The following XPO7 variants were observed in gnomAD, a reference collection of about 807,000 sequenced individuals.
XPO7 encodes exportin 7, also known as exportin-7.
A neutral mutation model predicts 144.3 loss-of-function variants in XPO7; 21 were observed. That is an observed-to-expected ratio of 0.15 (90% CI 0.10 to 0.21). The LOEUF is 0.21. Among genes scored for constraint, XPO7 ranks in the 10% least tolerant of loss-of-function variants. The pLI is 1.00. For missense variants in XPO7, 808 were observed against 1,325.8 expected, an observed-to-expected ratio of 0.61 and a Z score of 6.06; for synonymous variants, 580 against 499.6, an observed-to-expected ratio of 1.16 and a Z score of -2.15.
chr8:21,986,926 T>C (rs1240756395), intron 13 of XPO7, among the ~76,000 whole-genome samples: 2 of 152,206 alleles, frequency 1.3e-5, no homozygotes, highest in Non-Finnish European at 2.9e-5. Flanking sequence ...TCCCTGGAAG[T>C]GTTACCTACC....
chr8:22,000,980 A>G (rs1365008254), intron 24 of XPO7, among the ~76,000 whole-genome samples: 1 of 152,116 alleles, frequency 6.6e-6, no homozygotes, highest in African/African-American at 2.4e-5. Context: ...GTACAGTCCA[A>G]TCAAGGTATC....
At position 22,005,623 on chromosome 8, in the gene XPO7, A is replaced by G. The variant is rs1813303744; in HGVS notation, c.*535A>G. 1 of 152,184 alleles carries G rather than the reference A, an allele frequency of 6.6e-6. No individual in the cohort carries two copies. The allele number at this position is 152,184 out of a possible 1,614,324, so 9.4% of individuals were successfully genotyped here. The stretch of plus-strand genomic sequence containing the variant: ...AGAGTGCAGAGATATATTTAGTGAC[A>G]CAGTAGAGAGGCAAAAAAAAAGCTA... On this transcript the variant is annotated 3_prime_UTR_variant, in exon 28 of 28. Transcript: ENST00000252512.
chr8:21,984,877 G>A (rs1438595209), intron 12 of XPO7, 38 bp downstream of exon 12: 19 of 1,603,332 alleles, frequency 1.2e-5, no homozygotes, highest in Non-Finnish European at 1.6e-5. Flanking sequence ...AGACCTGTGA[G>A]GAGATGTTGT....
intron 1 of XPO7, among the ~76,000 whole-genome samples, chr8:21,963,257 G>T (rs182808961): frequency 1.3e-5 from 2 of 152,278 alleles, no homozygotes; most frequent in East Asian, 3.9e-4. Flanking sequence ...AACACCTGCG[G>T]ATCTGACTGG....
intron 19 of XPO7, among the ~76,000 whole-genome samples, chr8:21,993,553 G>A (rs1812836151): frequency 6.6e-6 from 1 of 152,134 alleles, no homozygotes. Flanking sequence ...TTTTATTGCT[G>A]TTCATGTCCC....
intron 1 of XPO7, among the ~76,000 whole-genome samples, chr8:21,929,317 C>G (rs889115587): frequency 6.6e-6 from 1 of 152,186 alleles, no homozygotes; most frequent in African/African-American, 2.4e-5. Flanking sequence ...GCTAGATCCT[C>G]GTCCTCTCAG....
intron 8 of XPO7, among the ~76,000 whole-genome samples, chr8:21,978,831 G>GT (rs1563329820): frequency 6.6e-6 from 1 of 152,198 alleles, no homozygotes; most frequent in East Asian, 1.9e-4. Context: ...CGGAAGAGGG[G>GT]TACCCTGTTC....
At position 21,990,872 on chromosome 8, in the gene XPO7, G is replaced by A. The variant is rs1812750911; in HGVS notation, c.1994G>A (p.Arg665Gln). Residue 665 changes from arginine to glutamine, a missense_variant, in exon 18 of 28, where the codon CGG becomes CAG. Physicochemically the swap from Arg to Gln is conservative, Grantham distance 43. This residue lies in a region of XPO7 where 416 missense variants were observed against 612.5 expected (regional missense o/e 0.68). Coordinates refer to ENST00000252512, the MANE Select transcript of XPO7 (RefSeq NM_015024.5). ...TCCAACCTGACAGACATGCGGTGTC[G>A]GACTACCTTCTACACAGCACTTGGG... ...NQSNLTDMRC[R>Q]TTFYTALGRL... 3 of 1,613,672 alleles carry A rather than the reference G, an allele frequency of 1.9e-6. No individual in the cohort carries two copies. Among genetic ancestry groups the A allele is most frequent in the South Asian group, 1.1e-5 (1 of 91,054 alleles).
chr8:21,979,056 G>A (rs1812317545), intron 8 of XPO7, among the ~76,000 whole-genome samples: 2 of 152,300 alleles, frequency 1.3e-5, no homozygotes, highest in South Asian at 4.1e-4. Flanking sequence ...CAGGGATAAA[G>A]CTGGGTTGTG....
intron 2 of XPO7, 112 bp from the exon 3 acceptor site, chr8:21,969,371 C>G: frequency 1.1e-6 from 1 of 874,070 alleles, no homozygotes; most frequent in South Asian, 1.7e-5. Flanking sequence ...AGGATCAAAT[C>G]TGCCAAAACT....
chr8:21,949,891 ATT>A (rs1004408969), intron 1 of XPO7, among the ~76,000 whole-genome samples: 1 of 152,084 alleles, frequency 6.6e-6, no homozygotes, highest in Non-Finnish European at 1.5e-5. Context: ...CACCCAGCTA[ATT>A]TTTGTATTTT....
In XPO7 at chr8:21,984,815, C is replaced by G. The variant is rs1812525592; in HGVS notation, c.1447C>G (p.Pro483Ala). The part of the protein sequence containing the change: ...QELLQSASAS[P>A]MDIAVQEGRL... ...GCTGCTACAGAGCGCCAGCGCAAGCCCAATGGACATTGCAGTGCAGGAGGG... is the reference window on the plus strand; with the variant it reads ...GCTGCTACAGAGCGCCAGCGCAAGCGCAATGGACATTGCAGTGCAGGAGGG... Residue 483 changes from proline to alanine, a missense_variant, in exon 12 of 28, where the codon CCA (proline) becomes GCA (alanine). Around this residue, in one of 5 missense-constraint regions of XPO7, gnomAD observed 416 missense variants for 612.5 expected, o/e 0.68. Transcript: ENST00000252512. 5 of 1,613,876 alleles carry G rather than the reference C, an allele frequency of 3.1e-6. No individual in the cohort carries two copies. In the East Asian group the frequency reaches 1.1e-4, roughly 36 times the overall value.
chr8:21,995,855 C>T (rs987146437), intron 21 of XPO7, among the ~76,000 whole-genome samples: 18 of 152,078 alleles, frequency 1.2e-4, no homozygotes, highest in African/African-American at 4.1e-4. Flanking sequence ...CTTGCTGTCT[C>T]CCAGGCTGGA....
At chr8:21,948,695 G>GT (rs1174097522) in intron 1 of XPO7, among the ~76,000 whole-genome samples, 1 of 152,126 alleles carries the variant, frequency 6.6e-6, no homozygotes, top group African/African-American at 2.4e-5. Flanking sequence ...TTCTAGTTTT[G>GT]TTTTTTTATT....
At chr8:21,923,774 T>G (rs1277181148) in intron 1 of XPO7, among the ~76,000 whole-genome samples, 1 of 152,192 alleles carries the variant, frequency 6.6e-6, no homozygotes, top group Admixed American at 6.5e-5. Context: ...TGTATTTTCT[T>G]TTTTCTTGGT....
chr8:21,970,961 A>G (rs1812038195), intron 4 of XPO7, among the ~76,000 whole-genome samples: 1 of 152,150 alleles, frequency 6.6e-6, no homozygotes, highest in Non-Finnish European at 1.5e-5. Context: ...CCACTCACTC[A>G]CTGACTCACC....
rs1460231068 is a variant in XPO7, at chr8:22,005,662, A to G, written c.*574A>G. 6.6e-6 allele frequency: 1 copy of G among 152,166 alleles called. No homozygotes were observed. Among genetic ancestry groups the G allele is most frequent in the African/African-American group, 2.4e-5 (1 of 41,424 alleles). The allele number at this position is 152,166 out of a possible 1,614,324, so 9.4% of individuals were successfully genotyped here. ...AAAAAAAAGCTAAAATTCCAAATGT[A>G]TATTTTTTCGTATTGCCCTGTCCTC... is the stretch of plus-strand genomic sequence containing the variant. On this transcript the variant is annotated 3_prime_UTR_variant, in exon 28 of 28. Coordinates refer to ENST00000252512, the MANE Select transcript of XPO7 (RefSeq NM_015024.5).
At chr8:21,933,489 C>T (rs1323498116) in intron 1 of XPO7, among the ~76,000 whole-genome samples, 1 of 152,040 alleles carries the variant, frequency 6.6e-6, no homozygotes, top group African/African-American at 2.4e-5. Flanking sequence ...TAATTTTAGG[C>T]CTCAAGGCTA....
intron 3 of XPO7, 38 bp downstream of exon 3, chr8:21,969,614 A>T (rs751456051): frequency 1.9e-5 from 29 of 1,553,160 alleles, no homozygotes; most frequent in Non-Finnish European, 2.5e-5. Flanking sequence ...TGAAGAAAAT[A>T]GTTTGTTTAG....
Sources: allele counts gnomAD v4.1 joint callset (sites outside exome capture counted in the v4.1 genomes callset), GRCh38; gene constraint gnomAD v4.1.1; regional missense constraint gnomAD v4.1.1; transcripts MANE v1.5; gene names NCBI Gene and HGNC (gene_info 2026-07-23, HGNC 2026-07-21).